SEM1: variants seen among roughly 807,000 people sequenced by gnomAD.
The protein encoded by SEM1 is SEM1 26S proteasome subunit, also known as 26S proteasome complex subunit SEM1.
A neutral mutation model predicts 12.7 loss-of-function variants in SEM1; 3 were observed. The observed-to-expected ratio is 0.24, with a 90% CI of 0.11 to 0.61. SEM1 has a LOEUF of 0.61. SEM1 is among the 20% of genes least tolerant of loss of function. The pLI is 0.88. For synonymous variants in SEM1, 30 were observed against 27.8 expected, an observed-to-expected ratio of 1.08 and a Z score of -0.25; for missense variants, 59 against 81.3, an observed-to-expected ratio of 0.73 and a Z score of 1.06.
At chr7:96,631,144 T>A (rs964743934) in intron 2 of SEM1, among the ~76,000 whole-genome samples, 7 of 152,182 alleles carry the variant, frequency 4.6e-5, no homozygotes, top group African/African-American at 1.7e-4. Flanking sequence ...CCCTGACTGA[T>A]GTGTCATTAG....
chr7:96,649,465 ATATC>A (rs997039601), intron 2 of SEM1: 5 of 152,192 alleles, frequency 3.3e-5, no homozygotes, highest in African/African-American at 9.6e-5. Context: ...GTACAACAAA[ATATC>A]TAGCCGGTCC....
chr7:96,541,944 C>CTTTTTTTTTTTTTTTTTTTTTTTTTTTT (rs34050482), intron 2 of SEM1, among the ~76,000 whole-genome samples: 1 of 92,436 alleles, frequency 1.1e-5, no homozygotes, highest in Non-Finnish European at 2.1e-5. Context: ...GCCTATGTGT[C>CTTTTTTTTTTTTTTTTTTTTTTTTTTTT]TTTTTTTTTT....
intron 1 of SEM1, chr7:96,695,599 T>C (rs1790069844): frequency 6.6e-6 from 1 of 151,844 alleles, no homozygotes; most frequent in Admixed American, 6.6e-5. Flanking sequence ...AATTATCTAT[T>C]TGATAGTTAT....
chr7:96,676,368 A>C (rs1217729894), intron 2 of SEM1, among the ~76,000 whole-genome samples: 1 of 152,170 alleles, frequency 6.6e-6, no homozygotes. Context: ...GAAAATGTGA[A>C]AGAAGGAATG....
chr7:96,696,534 G>C (rs1443506554), intron 1 of SEM1: 2 of 151,846 alleles, frequency 1.3e-5, no homozygotes, highest in African/African-American at 4.8e-5. Context: ...AGGAATCTGA[G>C]AAATAACCTT....
At chr7:96,665,829 C>G (rs986521259) in intron 2 of SEM1, among the ~76,000 whole-genome samples, 9 of 152,198 alleles carry the variant, frequency 5.9e-5, no homozygotes, top group Non-Finnish European at 1.3e-4. Flanking sequence ...GAGCTGACAA[C>G]CTGTCCCTAG....
Position 96,592,999 on chromosome 7 carries a change from T to TA in SEM1, c.171-86302dup, listed in dbSNP as rs1554421689. On this transcript the variant is annotated intron_variant and NMD_transcript_variant, in intron 2 of 3. Transcript: ENST00000466986. The stretch of plus-strand genomic sequence containing the variant: ...CCTCTCTGCTGTAATTCTCCCATAT[T>TA]AAAAAAAAAAAAAAAAAAAAAGGCA... Among the ~76,000 whole-genome samples, 54 of 128,060 alleles carry TA rather than the reference T, an allele frequency of 4.2e-4. 1 individual carries two copies. The highest frequency in any genetic ancestry group is 4.0e-3 in the Middle Eastern group (1 of 250). 84.0% of individuals were successfully genotyped at this position (128,060 alleles called of 152,430 possible).
chr7:96,623,739 A>G (rs1040493173), intron 2 of SEM1, among the ~76,000 whole-genome samples: 3 of 152,056 alleles, frequency 2.0e-5, no homozygotes, highest in African/African-American at 7.2e-5. Context: ...CAGGTCTGCC[A>G]TAACAAATCA....
chr7:96,583,524 C>T (rs1584784037), intron 2 of SEM1, among the ~76,000 whole-genome samples: 1 of 149,248 alleles, frequency 6.7e-6, no homozygotes, highest in African/African-American at 2.5e-5. Flanking sequence ...TCCTGGGTAT[C>T]CTTGTTGACT....
chr7:96,498,876 G>T (rs1005456010), upstream of SEM1, among the ~76,000 whole-genome samples: 26 of 152,070 alleles, frequency 1.7e-4, no homozygotes, highest in African/African-American at 6.3e-4. Context: ...TCTTGAAAAT[G>T]AGTTTAATAA....
chr7:96,483,771 G>A (rs1235724133), exon 4 of SEM1: 1 of 1,499,140 alleles, frequency 6.7e-7, no homozygotes, highest in Non-Finnish European at 9.0e-7. Flanking sequence ...TGAAGACAGA[G>A]AGCCAGGGAT....
downstream of SEM1, among the ~76,000 whole-genome samples, chr7:96,670,619 T>A (rs567674597): frequency 6.6e-6 from 1 of 152,338 alleles, no homozygotes; most frequent in South Asian, 2.1e-4. Flanking sequence ...TATCCTCATC[T>A]GACAGATCAC....
intron 2 of SEM1, among the ~76,000 whole-genome samples, chr7:96,515,891 G>A (rs1804079645): frequency 6.6e-6 from 1 of 152,116 alleles, no homozygotes; most frequent in Non-Finnish European, 1.5e-5. Context: ...TCGGGGACTG[G>A]GGGAGGGATA....
intron 2 of SEM1, among the ~76,000 whole-genome samples, chr7:96,585,641 C>A (rs562230559): frequency 6.6e-6 from 1 of 152,230 alleles, no homozygotes; most frequent in East Asian, 1.9e-4. Flanking sequence ...TAGGACCCTC[C>A]GAGCCAGGTG....
chr7:96,678,116 T>C (rs961077250), intron 2 of SEM1, among the ~76,000 whole-genome samples: 1 of 152,204 alleles, frequency 6.6e-6, no homozygotes, highest in African/African-American at 2.4e-5. Context: ...TTATGTTTCC[T>C]AATATCTAGC....
intron 2 of SEM1, among the ~76,000 whole-genome samples, chr7:96,635,029 A>G (rs1383936235): frequency 6.6e-6 from 1 of 152,172 alleles, no homozygotes; most frequent in African/African-American, 2.4e-5. Flanking sequence ...ACAGGAGCCT[A>G]TCAGAGTAGT....
At chr7:96,594,410 T>TAA (rs57715610) in intron 2 of SEM1, among the ~76,000 whole-genome samples, 3 of 151,098 alleles carry the variant, frequency 2.0e-5, no homozygotes, top group East Asian at 1.9e-4. Flanking sequence ...CCCCCACCAT[T>TAA]AAAAAAAAAT....
At chr7:96,555,346 C>G (rs188499930) in intron 2 of SEM1, among the ~76,000 whole-genome samples, 2 of 151,456 alleles carry the variant, frequency 1.3e-5, no homozygotes, top group East Asian at 3.9e-4. Flanking sequence ...AAATTTCCCT[C>G]TACACACTGT....
intron 2 of SEM1, chr7:96,664,177 G>C (rs1359950797): frequency 6.6e-6 from 1 of 152,124 alleles, no homozygotes; most frequent in Non-Finnish European, 1.5e-5. Flanking sequence ...CTGCTGGCTT[G>C]AAACAACAAA....
Sources: gnomAD v4.1 joint callset for allele counts (sites outside exome capture counted in the v4.1 genomes callset) on GRCh38, gnomAD v4.1.1 for gene constraint, MANE v1.5 for transcripts, NCBI Gene and HGNC (gene_info 2026-07-23, HGNC 2026-07-21) for gene names.